Variants in RPS6KC1 observed in about 807,000 individuals in gnomAD.
The protein encoded by RPS6KC1 is inactive ribosomal protein S6 kinase delta-1.
A neutral mutation model predicts 103.8 loss-of-function variants in RPS6KC1; 54 were observed. The ratio of observed to expected loss-of-function variants is 0.52; its 90% confidence interval spans 0.42 to 0.65. The LOEUF (loss-of-function observed/expected upper bound fraction) is 0.65, where lower values mean the gene tolerates loss of function less well. RPS6KC1 is among the 30% of genes least tolerant of loss of function. The pLI is 0.00. For synonymous variants in RPS6KC1, 439 were observed against 438.7 expected (o/e 1.00, Z -0.01); for missense variants, 1,151 against 1,253.8 (o/e 0.92, Z 1.24).
At chr1:213,387,778 C>T in the RPS6KC1 span, among the ~76,000 whole-genome samples, 2 of 152,200 alleles carry the variant, frequency 1.3e-5, no homozygotes, top group Non-Finnish European at 1.5e-5. Context: ...AATTATCTGA[C>T]TCAACTTCTG....
chr1:213,558,439 T>G, the RPS6KC1 span, among the ~76,000 whole-genome samples: 1 of 152,142 alleles, frequency 6.6e-6, no homozygotes, highest in African/African-American at 2.4e-5. Context: ...TATCTACCAT[T>G]TGGGGTACGG....
the RPS6KC1 span, among the ~76,000 whole-genome samples, chr1:213,499,456 C>A: frequency 6.6e-6 from 1 of 152,144 alleles, no homozygotes; most frequent in Non-Finnish European, 1.5e-5. Flanking sequence ...TGGGATGAAA[C>A]TATTCCACCT....
the RPS6KC1 span, among the ~76,000 whole-genome samples, chr1:213,626,865 C>A: frequency 6.6e-6 from 1 of 152,160 alleles, no homozygotes; most frequent in Non-Finnish European, 1.5e-5. Flanking sequence ...AGCGTGATGC[C>A]TCCAGCTTTG....
chr1:213,491,621 G>T, the RPS6KC1 span, among the ~76,000 whole-genome samples: 1 of 152,206 alleles, frequency 6.6e-6, no homozygotes, highest in African/African-American at 2.4e-5. Context: ...TTTGAAGAGG[G>T]TGGTTCCAGG....
At chr1:213,185,130 T>C (rs2092463915) in intron 8 of RPS6KC1, among the ~76,000 whole-genome samples, 1 of 152,204 alleles carries the variant, frequency 6.6e-6, no homozygotes, top group Admixed American at 6.5e-5. Flanking sequence ...CTTTATTAGA[T>C]CTATTATGTT....
At chr1:213,697,391 A>G in the RPS6KC1 span, among the ~76,000 whole-genome samples, 3 of 152,256 alleles carry the variant, frequency 2.0e-5, no homozygotes, top group Non-Finnish European at 4.4e-5. Flanking sequence ...GTACCCACTC[A>G]GCTTCAAGAA....
chr1:213,769,867 C>T, the RPS6KC1 span, among the ~76,000 whole-genome samples: 12 of 151,950 alleles, frequency 7.9e-5, no homozygotes, highest in African/African-American at 2.4e-4. Flanking sequence ...GCCAGCTGAC[C>T]GGGTGTTGAT....
the RPS6KC1 span, among the ~76,000 whole-genome samples, chr1:213,594,256 A>G: frequency 2.6e-5 from 4 of 152,256 alleles, no homozygotes; most frequent in African/African-American, 9.6e-5. Context: ...TTGAAAAATT[A>G]GCATACAAAC....
At chr1:213,088,343 T>C (rs1200397418) in intron 3 of RPS6KC1, among the ~76,000 whole-genome samples, 2 of 152,126 alleles carry the variant, frequency 1.3e-5, no homozygotes. Flanking sequence ...TTTACCTTTA[T>C]TGTTACTCCA....
At chr1:213,716,562 A>T in the RPS6KC1 span, among the ~76,000 whole-genome samples, 1 of 152,200 alleles carries the variant, frequency 6.6e-6, no homozygotes. Flanking sequence ...TTCAGGGGGA[A>T]AAAATCTTGC....
At chr1:213,149,952 C>G (rs1267055442) in intron 6 of RPS6KC1, among the ~76,000 whole-genome samples, 5 of 152,176 alleles carry the variant, frequency 3.3e-5, no homozygotes, top group Admixed American at 2.6e-4. Context: ...TTGTCTGATA[C>G]AAATATATCA....
At chr1:213,577,603 GA>G in the RPS6KC1 span, among the ~76,000 whole-genome samples, 1 of 152,202 alleles carries the variant, frequency 6.6e-6, no homozygotes, top group Non-Finnish European at 1.5e-5. Flanking sequence ...GTCTCAGATG[GA>G]GATGAGGAAC....
At chr1:213,780,183 G>A in the RPS6KC1 span, among the ~76,000 whole-genome samples, 1 of 152,168 alleles carries the variant, frequency 6.6e-6, no homozygotes, top group Non-Finnish European at 1.5e-5. Flanking sequence ...TGCTCTTCTG[G>A]AGCAAAGCCA....
the RPS6KC1 span, among the ~76,000 whole-genome samples, chr1:213,476,258 G>A: frequency 1.6e-4 from 24 of 152,244 alleles, no homozygotes; most frequent in East Asian, 3.3e-3. Context: ...GTCACATGAC[G>A]TGCTGGCTGC....
chr1:213,590,126 G>A, the RPS6KC1 span, among the ~76,000 whole-genome samples: 1 of 152,158 alleles, frequency 6.6e-6, no homozygotes, highest in South Asian at 2.1e-4. Flanking sequence ...TATTTCCTGG[G>A]GATAGAAAAG....
chr1:213,249,964 GACA>G (rs1226961401), intron 12 of RPS6KC1, among the ~76,000 whole-genome samples: 1 of 152,126 alleles, frequency 6.6e-6, no homozygotes, highest in Non-Finnish European at 1.5e-5. Flanking sequence ...AGGTCACCAC[GACA>G]ACAAGAAATT....
At chr1:213,125,299 C>T (rs1408870179) in intron 5 of RPS6KC1, among the ~76,000 whole-genome samples, 1 of 151,966 alleles carries the variant, frequency 6.6e-6, no homozygotes, top group African/African-American at 2.4e-5. Context: ...ATATAAGACA[C>T]TTTAGCATTA....
intron 4 of RPS6KC1, among the ~76,000 whole-genome samples, chr1:213,111,026 T>A (rs1283739298): frequency 6.6e-6 from 1 of 152,032 alleles, no homozygotes; most frequent in Non-Finnish European, 1.5e-5. Context: ...AGACTTGCCT[T>A]GCCCTTATAT....
chr1:213,102,501 A>C (rs1003335587), intron 3 of RPS6KC1, among the ~76,000 whole-genome samples: 3 of 152,234 alleles, frequency 2.0e-5, no homozygotes, highest in African/African-American at 4.8e-5. Flanking sequence ...CTGGGAAGCT[A>C]CAGTATAATT....
Sources: gnomAD v4.1 joint callset for allele counts (sites outside exome capture counted in the v4.1 genomes callset) on GRCh38, gnomAD v4.1.1 for gene constraint, MANE v1.5 for transcripts, NCBI Gene and HGNC (gene_info 2026-07-23, HGNC 2026-07-21) for gene names.